The following HS6ST3 variants were observed in gnomAD, a reference collection of about 807,000 sequenced individuals.
The protein encoded by HS6ST3 is heparan sulfate 6-O-sulfotransferase 3.
A neutral mutation model predicts 36.7 loss-of-function variants in HS6ST3; 12 were observed. The observed-to-expected ratio is 0.33, with a 90% CI of 0.21 to 0.53. The LOEUF (loss-of-function observed/expected upper bound fraction) is 0.53. HS6ST3 is among the 20% of genes least tolerant of loss of function. The probability of loss-of-function intolerance (pLI) is 0.95; values close to 1 mark genes in which losing one functional copy is unlikely to be tolerated. For synonymous variants in HS6ST3, 240 were observed against 257.5 expected (o/e 0.93, Z 0.65); for missense variants, 584 against 640.9 (o/e 0.91, Z 0.96).
intron 1 of HS6ST3, among the ~76,000 whole-genome samples, chr13:96,166,329 T>C (rs909681354): frequency 1.3e-5 from 2 of 152,080 alleles, no homozygotes; most frequent in African/African-American, 4.8e-5. Flanking sequence ...GACCCCTTGG[T>C]TCCTACTGTA....
At chr13:96,422,377 G>T (rs1021639100) in intron 1 of HS6ST3, among the ~76,000 whole-genome samples, 2 of 152,216 alleles carry the variant, frequency 1.3e-5, no homozygotes, top group African/African-American at 4.8e-5. Flanking sequence ...AGCAGCTTCA[G>T]AGTTCTCCAA....
chr13:96,124,116 C>A (rs2053939267), intron 1 of HS6ST3, among the ~76,000 whole-genome samples: 1 of 152,100 alleles, frequency 6.6e-6, no homozygotes, highest in South Asian at 2.1e-4. Context: ...ACTGAATTAT[C>A]CCAGATATTA....
chr13:96,688,706 C>A (rs910627061), intron 1 of HS6ST3, among the ~76,000 whole-genome samples: 5 of 152,072 alleles, frequency 3.3e-5, no homozygotes, highest in Admixed American at 2.6e-4. Flanking sequence ...ACCTATTTAG[C>A]ATAATGAAAT....
At chr13:96,680,074 A>G (rs11842823) in intron 1 of HS6ST3, among the ~76,000 whole-genome samples, 2,779 of 152,202 alleles carry the variant, frequency 0.018, 75 homozygotes, top group African/African-American at 0.063. Context: ...CATCCAAGAC[A>G]GGTTTGGTGC....
chr13:96,802,894 C>T (rs375230895), intron 1 of HS6ST3, among the ~76,000 whole-genome samples: 2 of 152,236 alleles, frequency 1.3e-5, no homozygotes, highest in African/African-American at 4.8e-5. Flanking sequence ...TAAAGTCTTA[C>T]CGTAAAAGTA....
intron 1 of HS6ST3, among the ~76,000 whole-genome samples, chr13:96,342,764 G>A (rs745944427): frequency 1.3e-5 from 2 of 152,172 alleles, no homozygotes; most frequent in Non-Finnish European, 2.9e-5. Flanking sequence ...CTAGAGGGAA[G>A]CCACGCTGTG....
chr13:96,284,559 C>T (rs2054791237), intron 1 of HS6ST3, among the ~76,000 whole-genome samples: 1 of 152,172 alleles, frequency 6.6e-6, no homozygotes. Flanking sequence ...AGGTTGTGCC[C>T]ACTCAGATTG....
intron 1 of HS6ST3, among the ~76,000 whole-genome samples, chr13:96,595,464 C>T (rs1200899492): frequency 6.8e-6 from 1 of 147,958 alleles, no homozygotes; most frequent in Non-Finnish European, 1.5e-5. Flanking sequence ...TTTTTTTTCT[C>T]TCTCTCTCTC....
In HS6ST3 at chr13:96,279,749, G is replaced by A. The variant is rs529790459; in HGVS notation, c.707+188180G>A. 2.0e-5 allele frequency among the ~76,000 whole-genome samples: 3 copies of A among 152,222 alleles called. 1 individual carries two copies. Among genetic ancestry groups the A allele is most frequent in the African/African-American group, 7.2e-5 (3 of 41,552 alleles). On this transcript the variant is annotated intron_variant, in intron 1 of 1. Transcript: ENST00000376705. ...TGTCTTTTGCACATCACATAAAAGA[G>A]TAGTCATTAGCATTCAGTCAACCTG...
chr13:96,240,703 T>C (rs1241075482), intron 1 of HS6ST3, among the ~76,000 whole-genome samples: 1 of 152,200 alleles, frequency 6.6e-6, no homozygotes, highest in Admixed American at 6.5e-5. Flanking sequence ...GCAGTGCCCA[T>C]GAGCCATGAT....
At chr13:96,673,911 A>AT (rs1457067410) in intron 1 of HS6ST3, among the ~76,000 whole-genome samples, 2 of 151,982 alleles carry the variant, frequency 1.3e-5, no homozygotes, top group African/African-American at 4.8e-5. Context: ...TAAAAAATAT[A>AT]TTTTTTCCCC....
chr13:96,227,408 T>C (rs768799324), intron 1 of HS6ST3, among the ~76,000 whole-genome samples: 8 of 152,208 alleles, frequency 5.3e-5, no homozygotes, highest in Admixed American at 1.3e-4. Context: ...CAAGTACAGA[T>C]GTTACGATGA....
chr13:96,789,710 T>G (rs1877735109), intron 1 of HS6ST3, among the ~76,000 whole-genome samples: 1 of 151,760 alleles, frequency 6.6e-6, no homozygotes, highest in Non-Finnish European at 1.5e-5. Context: ...TTCTTTTCTT[T>G]CAACATTTAA....
At chr13:96,281,194 C>T (rs537664878) in intron 1 of HS6ST3, among the ~76,000 whole-genome samples, 6 of 152,132 alleles carry the variant, frequency 3.9e-5, no homozygotes, top group Admixed American at 6.5e-5. Flanking sequence ...TTAGTAGAGA[C>T]GGGGTTTTAC....
chr13:96,520,843 T>A (rs1157685064), intron 1 of HS6ST3, among the ~76,000 whole-genome samples: 1 of 152,232 alleles, frequency 6.6e-6, no homozygotes, highest in Non-Finnish European at 1.5e-5. Context: ...TTTATTGCTT[T>A]CTCTTGCCTG....
intron 1 of HS6ST3, among the ~76,000 whole-genome samples, chr13:96,511,212 G>A (rs1282480619): frequency 6.6e-6 from 1 of 152,104 alleles, no homozygotes; most frequent in Admixed American, 6.6e-5. Flanking sequence ...TGACCATGCT[G>A]AGATGGACAC....
In HS6ST3 at chr13:96,211,660, T is replaced by C. The variant is rs372375336; in HGVS notation, c.707+120091T>C. Among the ~76,000 whole-genome samples, 28 of 152,298 alleles carry C rather than the reference T, an allele frequency of 1.8e-4. 2 individuals carry two copies. Among genetic ancestry groups the C allele is most frequent in the East Asian group, 1.4e-3 (7 of 5,182 alleles). ...TTCCAAAAATCTTCATTTTCTTCTCTTCTAGGACAAAAAAAGACAATAAAG... is the reference window on the plus strand; with the variant it reads ...TTCCAAAAATCTTCATTTTCTTCTCCTCTAGGACAAAAAAAGACAATAAAG... On this transcript the variant is annotated intron_variant, in intron 1 of 1. Transcript: ENST00000376705.
In HS6ST3 at chr13:96,578,669, C is replaced by G. The variant is rs189837644; in HGVS notation, c.708-253821C>G. On this transcript the variant is annotated intron_variant, in intron 1 of 1. Transcript: ENST00000376705. Reference sequence around the variant, plus strand: ...TCTGCTTTCCGGGTCAAGCGGTTCTCCCACCTCAGCCTCCCAGGTAGCTGG... The same window carrying G: ...TCTGCTTTCCGGGTCAAGCGGTTCTGCCACCTCAGCCTCCCAGGTAGCTGG... 5.6e-4 allele frequency among the ~76,000 whole-genome samples: 86 copies of G among 152,270 alleles called. No homozygotes were observed. In the East Asian group the frequency reaches 0.015, roughly 26 times the overall value.
intron 1 of HS6ST3, among the ~76,000 whole-genome samples, chr13:96,296,138 T>A (rs1375517470): frequency 6.6e-6 from 1 of 152,184 alleles, no homozygotes; most frequent in African/African-American, 2.4e-5. Flanking sequence ...TGGTGGCTCC[T>A]GCATTGGGAA....
Sources: gnomAD v4.1 joint callset for allele counts (sites outside exome capture counted in the v4.1 genomes callset) on GRCh38, gnomAD v4.1.1 for gene constraint, MANE v1.5 for transcripts, NCBI Gene and HGNC (gene_info 2026-07-23, HGNC 2026-07-21) for gene names.